Variants in ZNF577 observed in about 807,000 individuals in gnomAD.
ZNF577 encodes the protein zinc finger protein 577.
A neutral mutation model predicts 13.9 loss-of-function variants in ZNF577; 14 were observed. The ratio of observed to expected loss-of-function variants is 1.00; its 90% CI spans 0.66 to 1.57. The LOEUF is 1.57. ZNF577 is among the 40% of genes most tolerant of loss of function. The pLI, the probability that ZNF577 is intolerant of heterozygous loss-of-function variation, is 0.00. For synonymous variants in ZNF577, 203 were observed against 202.9 expected, an observed-to-expected ratio of 1.00 and a Z score of 0.00; for missense variants, 555 against 579.2, an observed-to-expected ratio of 0.96 and a Z score of 0.43.
Position 51,824,147 on chromosome 19 carries a change from C to T in ZNF577, c.*600-12473G>A. 6.2e-7 allele frequency: 1 copy of T among 1,613,948 alleles called. No individual in the cohort carries two copies. The highest frequency in any genetic ancestry group is 1.7e-5 in the Admixed American group (1 of 60,020). The stretch of plus-strand genomic sequence containing the variant: ...TTTGTGTCCTGCATCCAGCCTGGGC[C>T]CAGAACCATCGCACCATGAGTCTGG... On this transcript the variant is annotated intron_variant and NMD_transcript_variant, in intron 9 of 10. Transcript: ENST00000638827. The surrounding 1 kb of genome is among the most constrained non-coding windows in gnomAD (Gnocchi z 4.7).
At chr19:51,861,614 T>C (rs1401126589) in intron 5 of ZNF577, 2 of 152,262 alleles carry the variant, frequency 1.3e-5, no homozygotes, top group African/African-American at 4.8e-5. Flanking sequence ...AAAAGCTCTC[T>C]CATATTCCAA....
In ZNF577 at chr19:51,867,292, T is replaced by C. The variant is rs142893438; in HGVS notation, c.*5240A>G. Among the ~76,000 whole-genome samples, 1 of 152,310 alleles carries C rather than the reference T, an allele frequency of 6.6e-6. No individual in the cohort carries two copies. Among genetic ancestry groups the C allele is most frequent in the African/African-American group, 2.4e-5 (1 of 41,562 alleles). On this transcript the variant is annotated 3_prime_UTR_variant, in exon 6 of 6. Coordinates refer to ENST00000638348, the MANE Select transcript of ZNF577 (RefSeq NM_001370449.1). ...AAAACCTCACCGGGGCTTTTATCGTTTTTTTCTTCGGTTCTTAGGAAAAGG... is the reference window on the plus strand; with the variant it reads ...AAAACCTCACCGGGGCTTTTATCGTCTTTTTCTTCGGTTCTTAGGAAAAGG...
chr19:51,856,538 G>A (rs1441348212), intron 5 of ZNF577, among the ~76,000 whole-genome samples: 2 of 152,270 alleles, frequency 1.3e-5, no homozygotes, highest in East Asian at 1.9e-4. Flanking sequence ...CCTCTACATC[G>A]CTAAGTCAAT....
intron 9 of ZNF577, among the ~76,000 whole-genome samples, chr19:51,822,339 CCCG>C (rs1440480799): frequency 6.6e-6 from 1 of 152,088 alleles, no homozygotes; most frequent in Non-Finnish European, 1.5e-5. Context: ...TCAAGATATG[CCCG>C]CAAAGATGGA....
At chr19:51,880,503 G>T in intron 2 of ZNF577, 102 bp from the exon 3 acceptor site, 1 of 936,384 alleles carries the variant, frequency 1.1e-6, no homozygotes, top group Non-Finnish European at 1.7e-6. Flanking sequence ...CAAACCCCCT[G>T]ATCCATATAT....
At chr19:51,835,938 C>T (rs530298782) in intron 9 of ZNF577, among the ~76,000 whole-genome samples, 1 of 152,206 alleles carries the variant, frequency 6.6e-6, no homozygotes. Flanking sequence ...GGTGATCCAC[C>T]TGCCTTGGCC....
At chr19:51,853,701 C>T (rs2084391326) in intron 5 of ZNF577, among the ~76,000 whole-genome samples, 1 of 152,140 alleles carries the variant, frequency 6.6e-6, no homozygotes, top group Admixed American at 6.5e-5. Context: ...GATTTGTGAG[C>T]TTCTTGGCTT....
chr19:51,850,520 T>C (rs55884827), intron 5 of ZNF577, among the ~76,000 whole-genome samples: 5,162 of 152,306 alleles, frequency 0.034, 265 homozygotes, highest in African/African-American at 0.12. Context: ...CACTGGACCC[T>C]ACCCTATGCA....
rs1449896853 is a variant in ZNF577, at chr19:51,887,101, G to C, written c.-499C>G. ...TACAACAAAAAGTATTAACTATGTAGAAATAAGCATAACCAGAAATGTCCA... is the reference window on the plus strand; with the variant it reads ...TACAACAAAAAGTATTAACTATGTACAAATAAGCATAACCAGAAATGTCCA... On this transcript the variant is annotated 5_prime_UTR_variant, in exon 1 of 6. Coordinates refer to ENST00000638348, the MANE Select transcript of ZNF577 (RefSeq NM_001370449.1). 1 of 152,098 alleles carries C rather than the reference G, an allele frequency of 6.6e-6. No homozygotes were observed. Among genetic ancestry groups the C allele is most frequent in the Non-Finnish European group, 1.5e-5 (1 of 68,038 alleles). The allele number at this position is 152,098 out of a possible 1,614,324, so 9.4% of individuals were successfully genotyped here.
chr19:51,880,560 T>C, intron 2 of ZNF577, 119 bp downstream of exon 2: 1 of 647,068 alleles, frequency 1.5e-6, no homozygotes. Flanking sequence ...CTTAAACTTA[T>C]TTTCCCACAG....
intron 1 of ZNF577, among the ~76,000 whole-genome samples, chr19:51,885,775 T>C (rs1231117114): frequency 6.6e-6 from 1 of 152,210 alleles, no homozygotes; most frequent in East Asian, 1.9e-4. Context: ...CCCAAAGTGC[T>C]GGGATTACAG....
At chr19:51,843,430 T>C (rs549145110) in intron 6 of ZNF577, 53 of 152,344 alleles carry the variant, frequency 3.5e-4, no homozygotes, top group South Asian at 1.0e-3. Flanking sequence ...AACGAAGATT[T>C]TCCTGTGCCT....
chr19:51,829,460 C>T (rs1316086633), intron 9 of ZNF577, among the ~76,000 whole-genome samples: 2 of 152,110 alleles, frequency 1.3e-5, no homozygotes, highest in Admixed American at 1.3e-4. Flanking sequence ...TTTACACTTC[C>T]TTGTTATCCA....
At chr19:51,825,555 A>G (rs1189636765) in intron 9 of ZNF577, 1 of 167,132 alleles carries the variant, frequency 6.0e-6, no homozygotes, top group East Asian at 1.9e-4. Context: ...TACACCCAAC[A>G]TTATAACAAA....
At chr19:51,820,963 G>A (rs17695224) in intron 9 of ZNF577, among the ~76,000 whole-genome samples, 35,318 of 152,162 alleles carry the variant, frequency 0.23, 4,416 homozygotes, top group Admixed American at 0.32. Flanking sequence ...TGGCATGTGA[G>A]TAATGTTCAT....
chr19:51,856,098 A>G (rs999151451), intron 5 of ZNF577: 1 of 152,204 alleles, frequency 6.6e-6, no homozygotes, highest in Admixed American at 6.5e-5. Context: ...TTATTTTCCA[A>G]AATTGACTGT....
rs766108887 is a variant in ZNF577, at chr19:51,823,995, G to A, written c.*600-12321C>T. Reference sequence around the variant, plus strand: ...CAGTGCCATCCTACCATTCCGAATGGTCTCAGTCGCCATGAGAGAAAAATG... The same window carrying A: ...CAGTGCCATCCTACCATTCCGAATGATCTCAGTCGCCATGAGAGAAAAATG... On this transcript the variant is annotated intron_variant and NMD_transcript_variant, in intron 9 of 10. Transcript: ENST00000638827. 3.7e-6 allele frequency: 6 copies of A among 1,613,960 alleles called. No homozygotes were observed. In the African/African-American group the frequency reaches 8.0e-5, roughly 22 times the overall value.
downstream of ZNF577, among the ~76,000 whole-genome samples, chr19:51,804,649 T>G (rs1220986061): frequency 6.6e-6 from 1 of 152,082 alleles, no homozygotes; most frequent in Non-Finnish European, 1.5e-5. Context: ...TGACAAAAAT[T>G]TATGGACTTT....
chr19:51,846,380 G>A (rs1240726966), intron 5 of ZNF577, among the ~76,000 whole-genome samples: 3 of 152,204 alleles, frequency 2.0e-5, no homozygotes, highest in Non-Finnish European at 4.4e-5. Flanking sequence ...AGGTCATGAG[G>A]GTGGGCCTTC....
Sources: gnomAD v4.1 joint callset for allele counts (sites outside exome capture counted in the v4.1 genomes callset) on GRCh38, gnomAD v4.1.1 for gene constraint, Gnocchi (gnomAD v3.1) non-coding constraint, MANE v1.5 for transcripts, NCBI Gene and HGNC (gene_info 2026-07-23, HGNC 2026-07-21) for gene names.